RANBP2: variants seen among roughly 807,000 people sequenced by gnomAD.
RANBP2 encodes E3 SUMO-protein ligase RanBP2.
RANBP2 carries 57 observed loss-of-function variants against 303.6 expected under a neutral mutation model. The observed-to-expected ratio is 0.19, with a 90% CI of 0.15 to 0.23. RANBP2 has a LOEUF of 0.23. RANBP2 is among the 10% of genes least tolerant of loss of function. The pLI, the probability that RANBP2 is intolerant of heterozygous loss-of-function variation, is 1.00. For missense variants in RANBP2, 3,138 were observed against 3,780.8 expected, an observed-to-expected ratio of 0.83 and a Z score of 4.46; for synonymous variants, 1,167 against 1,301.5, an observed-to-expected ratio of 0.90 and a Z score of 2.23.
At chr2:108,984,952 T>C in the RANBP2 span, among the ~76,000 whole-genome samples, 4 of 152,210 alleles carry the variant, frequency 2.6e-5, no homozygotes, top group Non-Finnish European at 4.4e-5. Context: ...ATTGGAAATA[T>C]GGCAAATGGA....
At chr2:108,870,903 A>G in the RANBP2 span, among the ~76,000 whole-genome samples, 1 of 152,170 alleles carries the variant, frequency 6.6e-6, no homozygotes, top group African/African-American at 2.4e-5. Context: ...GTTGCACAGT[A>G]ATGTGAATTT....
intron 25 of RANBP2, among the ~76,000 whole-genome samples, chr2:108,779,940 T>G (rs1678127002): frequency 6.6e-6 from 1 of 152,132 alleles, no homozygotes; most frequent in African/African-American, 2.4e-5. Context: ...TTTAGGCCAT[T>G]GTGGCTAATT....
chr2:109,619,305 T>A, the RANBP2 span, among the ~76,000 whole-genome samples: 1 of 152,146 alleles, frequency 6.6e-6, no homozygotes, highest in Non-Finnish European at 1.5e-5. Flanking sequence ...AGGAATCAAC[T>A]TGGAGAGAAG....
At chr2:109,326,479 G>A in the RANBP2 span, among the ~76,000 whole-genome samples, 120 of 152,268 alleles carry the variant, frequency 7.9e-4, no homozygotes, top group Non-Finnish European at 1.1e-3. Flanking sequence ...GGTGAGAGAC[G>A]TTTCCTTCTG....
the RANBP2 span, among the ~76,000 whole-genome samples, chr2:108,922,958 T>A: frequency 6.6e-6 from 1 of 152,216 alleles, no homozygotes; most frequent in Admixed American, 6.5e-5. Context: ...ACATTTATAT[T>A]TTCCTTGGCC....
chr2:109,501,014 C>T, the RANBP2 span, among the ~76,000 whole-genome samples: 242 of 152,332 alleles, frequency 1.6e-3, no homozygotes, highest in Non-Finnish European at 2.7e-3. Context: ...CATTGGGCCC[C>T]AACCTGTGAG....
the RANBP2 span, chr2:109,614,860 C>G: frequency 3.1e-5 from 44 of 1,399,540 alleles, no homozygotes; most frequent in African/African-American, 1.4e-4. Context: ...GCGGCGGCCC[C>G]GGAGTCGCTC....
At chr2:109,346,642 G>T in the RANBP2 span, among the ~76,000 whole-genome samples, 3 of 152,092 alleles carry the variant, frequency 2.0e-5, no homozygotes, top group East Asian at 5.8e-4. Flanking sequence ...GACAGGGCCA[G>T]TTAGAGAAGC....
the RANBP2 span, among the ~76,000 whole-genome samples, chr2:108,858,345 A>AAAAC: frequency 8.6e-5 from 13 of 151,934 alleles, no homozygotes; most frequent in Non-Finnish European, 1.5e-4. Flanking sequence ...CTCCGTCTCA[A>AAAAC]AAACAAACAA....
chr2:109,565,062 C>A, the RANBP2 span, among the ~76,000 whole-genome samples: 34 of 152,098 alleles, frequency 2.2e-4, no homozygotes, highest in Non-Finnish European at 4.6e-4. Context: ...CATGATCCTT[C>A]TTCTATGTTT....
At chr2:109,102,094 ATTTTTATTTAT>A in the RANBP2 span, among the ~76,000 whole-genome samples, 1 of 151,808 alleles carries the variant, frequency 6.6e-6, no homozygotes, top group African/African-American at 2.4e-5. Context: ...TTATTTTATT[ATTTTTATTTAT>A]TTTTTATTTT....
At chr2:109,021,524 G>GGA in the RANBP2 span, among the ~76,000 whole-genome samples, 7 of 120,158 alleles carry the variant, frequency 5.8e-5, no homozygotes, top group Admixed American at 8.9e-5. Flanking sequence ...CTCCGTCTCA[G>GGA]AAAAAAAAAA....
At chr2:108,761,397 A>C (rs1377240088) in intron 18 of RANBP2, among the ~76,000 whole-genome samples, 1 of 152,154 alleles carries the variant, frequency 6.6e-6, no homozygotes, top group Admixed American at 6.5e-5. Flanking sequence ...CAGGCATAAA[A>C]GGTCTTTTGG....
At chr2:108,908,890 C>A in the RANBP2 span, among the ~76,000 whole-genome samples, 10 of 152,048 alleles carry the variant, frequency 6.6e-5, no homozygotes, top group African/African-American at 2.2e-4. Context: ...ACAATGAGAA[C>A]CATCATGAAG....
At chr2:109,287,158 C>A in the RANBP2 span, among the ~76,000 whole-genome samples, 1 of 152,066 alleles carries the variant, frequency 6.6e-6, no homozygotes, top group African/African-American at 2.4e-5. Flanking sequence ...TAAAAAAGAC[C>A]CAGTGATTAT....
the RANBP2 span, among the ~76,000 whole-genome samples, chr2:109,409,222 C>A: frequency 5.3e-5 from 8 of 152,156 alleles, no homozygotes; most frequent in Admixed American, 3.9e-4. Flanking sequence ...CAGTTATTGG[C>A]CCAGTAAGAC....
chr2:109,171,750 C>G, the RANBP2 span, among the ~76,000 whole-genome samples: 1 of 152,258 alleles, frequency 6.6e-6, no homozygotes, highest in Non-Finnish European at 1.5e-5. Context: ...TCCTGGTGCC[C>G]ACGCTGGCTG....
the RANBP2 span, among the ~76,000 whole-genome samples, chr2:109,741,208 T>C: frequency 1.4e-5 from 2 of 139,312 alleles, no homozygotes; most frequent in Non-Finnish European, 3.1e-5. Context: ...ATATACACCA[T>C]GACCAAGTGG....
chr2:109,610,085 T>A, the RANBP2 span, among the ~76,000 whole-genome samples: 1 of 149,236 alleles, frequency 6.7e-6, no homozygotes, highest in Non-Finnish European at 1.5e-5. Flanking sequence ...ACACTAAACT[T>A]CCCTGAGGTG....
Sources: allele counts gnomAD v4.1 joint callset (sites outside exome capture counted in the v4.1 genomes callset), GRCh38; gene constraint gnomAD v4.1.1; transcripts MANE v1.5; gene names NCBI Gene and HGNC (gene_info 2026-07-23, HGNC 2026-07-21).